CNTNAP2: variants seen among roughly 807,000 people sequenced by gnomAD.
The protein encoded by CNTNAP2 is contactin associated protein 2, also known as contactin-associated protein-like 2.
CNTNAP2 carries 98 observed loss-of-function variants against 155.2 expected under a neutral mutation model. That is an observed-to-expected ratio of 0.63 (90% CI 0.54 to 0.75). The LOEUF is 0.75. Ranked by LOEUF, CNTNAP2 falls within the 30% of genes least tolerant of loss-of-function variation. CNTNAP2 has a pLI of 0.00. For missense variants in CNTNAP2, 1,727 were observed against 1,688.1 expected (o/e 1.02, Z -0.40); for synonymous variants, 651 against 631.2 (o/e 1.03, Z -0.47).
chr7:148,374,899 C>T (rs998959504), intron 21 of CNTNAP2, among the ~76,000 whole-genome samples: 1 of 152,126 alleles, frequency 6.6e-6, no homozygotes, highest in Non-Finnish European at 1.5e-5. Context: ...ATCATAGCAC[C>T]CAGCTCTGTG....
At chr7:147,158,565 T>C (rs990138933) in intron 8 of CNTNAP2, among the ~76,000 whole-genome samples, 1 of 152,108 alleles carries the variant, frequency 6.6e-6, no homozygotes, top group African/African-American at 2.4e-5. Context: ...TGTTCATTAG[T>C]TGCAAGTAAA....
intron 13 of CNTNAP2, among the ~76,000 whole-genome samples, chr7:147,695,435 C>T (rs567698396): frequency 2.8e-4 from 42 of 152,206 alleles, no homozygotes; most frequent in Non-Finnish European, 5.4e-4. Context: ...TGAAGGGTAT[C>T]GAAGTTGCCA....
chr7:146,372,623 C>G (rs1009876576), intron 1 of CNTNAP2, among the ~76,000 whole-genome samples: 7 of 151,972 alleles, frequency 4.6e-5, no homozygotes, highest in African/African-American at 1.5e-4. Flanking sequence ...GAGTAAGAGG[C>G]GAGTAAGAAG....
intron 10 of CNTNAP2, among the ~76,000 whole-genome samples, chr7:147,457,592 G>A (rs372814477): frequency 6.0e-5 from 9 of 148,848 alleles, no homozygotes; most frequent in South Asian, 2.1e-4. Context: ...TATTCCCTTC[G>A]CTGTTGCATT....
chr7:147,764,637 G>T (rs1797357809), intron 13 of CNTNAP2, among the ~76,000 whole-genome samples: 1 of 152,074 alleles, frequency 6.6e-6, no homozygotes, highest in African/African-American at 2.4e-5. Flanking sequence ...ATATAATCTT[G>T]GTTTATCTCT....
intron 1 of CNTNAP2, among the ~76,000 whole-genome samples, chr7:146,313,548 G>A (rs1182588409): frequency 6.6e-6 from 1 of 152,008 alleles, no homozygotes; most frequent in Admixed American, 6.6e-5. Context: ...TTTAGTTTGA[G>A]GCAATTCCGT....
chr7:146,960,439 C>T (rs1279786961), intron 3 of CNTNAP2, among the ~76,000 whole-genome samples: 2 of 152,110 alleles, frequency 1.3e-5, no homozygotes, highest in African/African-American at 2.4e-5. Flanking sequence ...TGTGCAGTGC[C>T]TGTGCTGATT....
chr7:147,963,039 T>C (rs1308779556), intron 14 of CNTNAP2, among the ~76,000 whole-genome samples: 4 of 66,952 alleles, frequency 6.0e-5, no homozygotes, highest in Non-Finnish European at 1.6e-4. Context: ...AAGGTGAAAT[T>C]TGCTTATAAT....
intron 12 of CNTNAP2, among the ~76,000 whole-genome samples, chr7:147,592,661 TA>T (rs1184955362): frequency 6.6e-6 from 1 of 152,148 alleles, no homozygotes; most frequent in Non-Finnish European, 1.5e-5. Context: ...TTAGAAAATA[TA>T]AAATGATATC....
At chr7:147,598,304 G>T (rs1352531277) in intron 12 of CNTNAP2, among the ~76,000 whole-genome samples, 1 of 151,950 alleles carries the variant, frequency 6.6e-6, no homozygotes, top group Admixed American at 6.6e-5. Flanking sequence ...CATGTATTAG[G>T]TATTTGTCCT....
At chr7:147,714,081 T>C (rs2373173) in intron 13 of CNTNAP2, among the ~76,000 whole-genome samples, 2,500 of 152,214 alleles carry the variant, frequency 0.016, 224 homozygotes, top group Admixed American at 0.15. Flanking sequence ...GTAAGTGCTT[T>C]ATATATGGCA....
At chr7:146,748,819 G>C (rs1226312595) in intron 1 of CNTNAP2, among the ~76,000 whole-genome samples, 1 of 152,144 alleles carries the variant, frequency 6.6e-6, no homozygotes, top group Admixed American at 6.6e-5. Context: ...CAGACTAAAT[G>C]ACTTCTAAGA....
At chr7:148,086,861 A>C (rs1020034954) in intron 15 of CNTNAP2, among the ~76,000 whole-genome samples, 1 of 152,232 alleles carries the variant, frequency 6.6e-6, no homozygotes, top group African/African-American at 2.4e-5. Context: ...AAATCCACAT[A>C]TATCAAATTG....
intron 1 of CNTNAP2, among the ~76,000 whole-genome samples, chr7:146,510,794 G>T (rs1363203925): frequency 1.3e-5 from 2 of 151,900 alleles, no homozygotes; most frequent in Non-Finnish European, 2.9e-5. Context: ...TTTGCTGTTG[G>T]TGTACATAAA....
intron 1 of CNTNAP2, among the ~76,000 whole-genome samples, chr7:146,283,330 T>G (rs536448163): frequency 8.4e-4 from 128 of 152,160 alleles, no homozygotes; most frequent in Non-Finnish European, 1.6e-3. Flanking sequence ...TTATTTATAC[T>G]ACTAACATCA....
In CNTNAP2 at chr7:147,736,968, C is replaced by A. The variant is rs184830603; in HGVS notation, c.2098+97662C>A. ...TTAACTTCTTTGCCATGGGTTCGAA[C>A]TTCTTCCTTTAGCTCAGACAAGTTT... On this transcript the variant is annotated intron_variant, in intron 13 of 23. Transcript: ENST00000361727. Among the ~76,000 whole-genome samples the A allele has an allele frequency of 3.9e-5, 6 of 152,288 alleles. No homozygotes were observed. The East Asian group carries it at 1.2e-3, about 29-fold the overall frequency.
intron 1 of CNTNAP2, among the ~76,000 whole-genome samples, chr7:146,505,942 A>G (rs1481743330): frequency 6.6e-6 from 1 of 152,194 alleles, no homozygotes; most frequent in Admixed American, 6.5e-5. Context: ...GTGGAGTAAC[A>G]TGCAAATGTA....
chr7:147,263,005 A>C (rs114646751), intron 8 of CNTNAP2, among the ~76,000 whole-genome samples: 1,679 of 152,296 alleles, frequency 0.011, 34 homozygotes, highest in African/African-American at 0.038. Flanking sequence ...CTTGCTGTAG[A>C]CACTGTCTAC....
At chr7:146,840,606 A>T (rs1236844568) in intron 3 of CNTNAP2, among the ~76,000 whole-genome samples, 4 of 152,156 alleles carry the variant, frequency 2.6e-5, no homozygotes, top group African/African-American at 9.7e-5. Context: ...AAGAAAAAGA[A>T]GATGAGGAGG....
Sources: allele counts gnomAD v4.1 joint callset (sites outside exome capture counted in the v4.1 genomes callset), GRCh38; gene constraint gnomAD v4.1.1; transcripts MANE v1.5; gene names NCBI Gene and HGNC (gene_info 2026-07-23, HGNC 2026-07-21).